CNIH3: variants seen among roughly 807,000 people sequenced by gnomAD.
CNIH3 encodes the protein protein cornichon homolog 3.
CNIH3 carries 14 observed loss-of-function variants against 24.1 expected under a neutral mutation model. That is an observed-to-expected ratio of 0.58 (90% CI 0.38 to 0.91). The LOEUF (loss-of-function observed/expected upper bound fraction) is 0.91. Among genes scored for constraint, CNIH3 ranks in the 40% least tolerant of loss-of-function variants. The pLI is 0.00. For synonymous variants in CNIH3, 68 were observed against 73.8 expected, an observed-to-expected ratio of 0.92 and a Z score of 0.40; for missense variants, 178 against 196.8, an observed-to-expected ratio of 0.90 and a Z score of 0.57.
At chr1:224,498,416 A>T (rs999848863) in intron 1 of CNIH3, among the ~76,000 whole-genome samples, 1 of 152,166 alleles carries the variant, frequency 6.6e-6, no homozygotes, top group Non-Finnish European at 1.5e-5. Flanking sequence ...CAGTAAAGTC[A>T]AAAGCTTATA....
At chr1:224,716,326 T>C (rs1572794861) in intron 3 of CNIH3, among the ~76,000 whole-genome samples, 1 of 152,212 alleles carries the variant, frequency 6.6e-6, no homozygotes, top group Non-Finnish European at 1.5e-5. Context: ...TTCTCCTTCA[T>C]AAAAACATGT....
chr1:224,527,300 G>T (rs1038211190), intron 2 of CNIH3, among the ~76,000 whole-genome samples: 2 of 152,104 alleles, frequency 1.3e-5, no homozygotes, highest in Non-Finnish European at 2.9e-5. Flanking sequence ...GTAAATAACC[G>T]CATTTATCAC....
chr1:224,649,951 A>G (rs1233462432), intron 1 of CNIH3, among the ~76,000 whole-genome samples: 1 of 152,228 alleles, frequency 6.6e-6, no homozygotes, highest in Non-Finnish European at 1.5e-5. Context: ...GGTCTCTGAA[A>G]TGGCAGAAAT....
intron 1 of CNIH3, among the ~76,000 whole-genome samples, chr1:224,503,791 C>T (rs1677785235): frequency 6.6e-6 from 1 of 152,216 alleles, no homozygotes; most frequent in South Asian, 2.1e-4. Flanking sequence ...CAGGGATTGC[C>T]GTGGGAGTGC....
chr1:224,656,669 C>G (rs1275945420), intron 1 of CNIH3, among the ~76,000 whole-genome samples: 19 of 152,134 alleles, frequency 1.2e-4, no homozygotes, highest in Admixed American at 1.2e-3. Flanking sequence ...AGCAGCATTT[C>G]AAAAGGGCTA....
At chr1:224,574,407 G>T (rs1680946894) in intron 4 of CNIH3, 2 of 530,134 alleles carry the variant, frequency 3.8e-6, no homozygotes, top group Non-Finnish European at 6.7e-6. Context: ...CATGGTTCTG[G>T]GTGGGGGTCT....
exon 1 of CNIH3, chr1:224,434,771 T>C: frequency 2.0e-6 from 2 of 986,334 alleles, no homozygotes; most frequent in Non-Finnish European, 2.4e-6. Flanking sequence ...CCTGGTGTGT[T>C]GATTCTTCCC....
At chr1:224,647,129 C>T (rs1684644265) in intron 1 of CNIH3, among the ~76,000 whole-genome samples, 2 of 152,098 alleles carry the variant, frequency 1.3e-5, no homozygotes, top group South Asian at 4.2e-4. Flanking sequence ...GTTACAGGCA[C>T]CCGCCGCCAC....
At chr1:224,590,293 T>C (rs1681697123), downstream of CNIH3, among the ~76,000 whole-genome samples, 2 of 152,192 alleles carry the variant, frequency 1.3e-5, no homozygotes, top group South Asian at 4.1e-4. Context: ...GTATGAGAGA[T>C]TTTTGGCTTA....
upstream of CNIH3, among the ~76,000 whole-genome samples, chr1:224,513,349 G>A (rs1348821162): frequency 2.2e-5 from 3 of 136,094 alleles, no homozygotes; most frequent in East Asian, 4.4e-4. Context: ...GTTGGGGGTG[G>A]GGGTGGGGGT....
intron 1 of CNIH3, among the ~76,000 whole-genome samples, chr1:224,492,011 T>A (rs928994242): frequency 2.6e-5 from 4 of 152,220 alleles, no homozygotes; most frequent in Admixed American, 2.0e-4. Flanking sequence ...TATCTTGGCC[T>A]CTCAAAGTGC....
intron 1 of CNIH3, among the ~76,000 whole-genome samples, chr1:224,459,413 C>T (rs540170703): frequency 2.6e-5 from 4 of 152,254 alleles, no homozygotes; most frequent in Admixed American, 2.6e-4. Context: ...ATAACGTGAC[C>T]CTCAGCGATA....
chr1:224,455,974 T>A (rs1675633606), intron 1 of CNIH3, among the ~76,000 whole-genome samples: 2 of 152,206 alleles, frequency 1.3e-5, no homozygotes, highest in African/African-American at 4.8e-5. Flanking sequence ...GCACCACAGG[T>A]GTATCATTTT....
chr1:224,632,130 G>A (rs1461139644), intron 1 of CNIH3, among the ~76,000 whole-genome samples: 1 of 141,494 alleles, frequency 7.1e-6, no homozygotes, highest in Non-Finnish European at 1.6e-5. Flanking sequence ...CGAGGGCACT[G>A]CCCTGCGTTG....
At chr1:224,645,536 G>A (rs761641584) in intron 1 of CNIH3, among the ~76,000 whole-genome samples, 42 of 152,230 alleles carry the variant, frequency 2.8e-4, no homozygotes, top group Middle Eastern at 3.2e-3. Context: ...CCCATCACGT[G>A]GTGACACTCC....
intron 1 of CNIH3, among the ~76,000 whole-genome samples, chr1:224,519,326 T>G (rs1185560396): frequency 6.6e-6 from 1 of 152,138 alleles, no homozygotes; most frequent in Non-Finnish European, 1.5e-5. Context: ...AGCTGGGGCA[T>G]CAATCTACTT....
intron 1 of CNIH3, among the ~76,000 whole-genome samples, chr1:224,668,853 C>T (rs1685728474): frequency 6.7e-6 from 1 of 150,116 alleles, no homozygotes; most frequent in Non-Finnish European, 1.5e-5. Flanking sequence ...TCTGTGGCCC[C>T]AGTGTGCTTC....
At chr1:224,511,273 A>G (rs1056606830), upstream of CNIH3, among the ~76,000 whole-genome samples, 1 of 152,198 alleles carries the variant, frequency 6.6e-6, no homozygotes, top group African/African-American at 2.4e-5. Context: ...TAGATAAGAC[A>G]CTTCATTTTC....
At chr1:224,668,552 C>G (rs913916036) in intron 1 of CNIH3, among the ~76,000 whole-genome samples, 2 of 152,158 alleles carry the variant, frequency 1.3e-5, no homozygotes, top group African/African-American at 4.8e-5. Context: ...GGGAGCCTTT[C>G]TGATGCACAT....
Sources: gnomAD v4.1 joint callset for allele counts (sites outside exome capture counted in the v4.1 genomes callset) on GRCh38, gnomAD v4.1.1 for gene constraint, MANE v1.5 for transcripts, NCBI Gene and HGNC (gene_info 2026-07-23, HGNC 2026-07-21) for gene names.